The following NR3C2 variants were observed in gnomAD, a reference collection of about 807,000 sequenced individuals.
NR3C2 encodes mineralocorticoid receptor.
NR3C2 carries 15 observed loss-of-function variants against 86.4 expected under a neutral mutation model. The observed-to-expected ratio is 0.17, with a 90% confidence interval of 0.12 to 0.27. The LOEUF (loss-of-function observed/expected upper bound fraction) is 0.27. NR3C2 is among the 10% of genes least tolerant of loss of function. The probability of loss-of-function intolerance (pLI) is 1.00; values close to 1 mark genes in which losing one functional copy is unlikely to be tolerated. For synonymous variants in NR3C2, 458 were observed against 450.5 expected (o/e 1.02, Z -0.21); for missense variants, 960 against 1,195.6 (o/e 0.80, Z 2.91).
intron 2 of NR3C2, among the ~76,000 whole-genome samples, chr4:148,281,972 T>G (rs1038033486): frequency 1.3e-5 from 2 of 152,232 alleles, no homozygotes; most frequent in Non-Finnish European, 2.9e-5. Flanking sequence ...CTTGAAGCAT[T>G]GGTAAGATTT....
intron 2 of NR3C2, among the ~76,000 whole-genome samples, chr4:148,316,357 G>A (rs537229058): frequency 1.4e-4 from 22 of 151,892 alleles, no homozygotes; most frequent in African/African-American, 3.6e-4. Flanking sequence ...ATATTTATGC[G>A]GAACATGTAT....
intron 2 of NR3C2, among the ~76,000 whole-genome samples, chr4:148,422,810 T>A (rs1439539576): frequency 6.6e-6 from 1 of 152,170 alleles, no homozygotes; most frequent in Non-Finnish European, 1.5e-5. Flanking sequence ...TAAAAGGTAC[T>A]CCATTTTGGT....
At chr4:148,256,374 T>A (rs1367163542) in intron 3 of NR3C2, among the ~76,000 whole-genome samples, 3 of 152,216 alleles carry the variant, frequency 2.0e-5, no homozygotes, top group East Asian at 3.8e-4. Context: ...ACATCATCTC[T>A]CTACGTGAAC....
chr4:148,229,021 G>T (rs921878490), intron 3 of NR3C2, among the ~76,000 whole-genome samples: 14 of 152,158 alleles, frequency 9.2e-5, no homozygotes, highest in Non-Finnish European at 1.8e-4. Context: ...AAAGATTCTT[G>T]CCCAGGTCCC....
chr4:148,194,641 C>G, intron 4 of NR3C2, 105 bp downstream of exon 4: 1 of 753,042 alleles, frequency 1.3e-6, no homozygotes, highest in Non-Finnish European at 2.3e-6. Context: ...TTTCAGAAAC[C>G]TTTGCTCCCT....
At chr4:148,329,049 A>G (rs1287392418) in intron 2 of NR3C2, among the ~76,000 whole-genome samples, 1 of 152,222 alleles carries the variant, frequency 6.6e-6, no homozygotes, top group Non-Finnish European at 1.5e-5. Context: ...GAGGAAGGTC[A>G]ATCATAGGTC....
intron 2 of NR3C2, among the ~76,000 whole-genome samples, chr4:148,310,031 C>A (rs1427500240): frequency 6.6e-6 from 1 of 152,086 alleles, no homozygotes; most frequent in Non-Finnish European, 1.5e-5. Flanking sequence ...AAAAAACTAT[C>A]CTACTTACTA....
chr4:148,412,454 T>C (rs1748753734), intron 2 of NR3C2, among the ~76,000 whole-genome samples: 1 of 152,188 alleles, frequency 6.6e-6, no homozygotes, highest in Non-Finnish European at 1.5e-5. Context: ...GATTTTTGGC[T>C]AAGTATTCAC....
intron 3 of NR3C2, among the ~76,000 whole-genome samples, chr4:148,231,936 T>C (rs1016443273): frequency 6.6e-6 from 1 of 152,202 alleles, no homozygotes; most frequent in African/African-American, 2.4e-5. Flanking sequence ...ATTAATTCAA[T>C]TTTTATCCTG....
At chr4:148,370,780 C>T (rs12331046) in intron 2 of NR3C2, among the ~76,000 whole-genome samples, 149,783 of 152,320 alleles carry the variant, frequency 0.98, 73,686 homozygotes, top group East Asian at 1. Context: ...AAATTACAAA[C>T]GTAACGTTCC....
intron 6 of NR3C2, among the ~76,000 whole-genome samples, chr4:148,142,136 G>A (rs974627634): frequency 6.6e-6 from 1 of 152,180 alleles, no homozygotes; most frequent in Non-Finnish European, 1.5e-5. Context: ...AGAAGCAGCA[G>A]GAAATAATGC....
At chr4:148,277,775 C>A (rs1434310982) in intron 2 of NR3C2, among the ~76,000 whole-genome samples, 1 of 152,126 alleles carries the variant, frequency 6.6e-6, no homozygotes, top group Non-Finnish European at 1.5e-5. Context: ...TGACCCCACC[C>A]CACACCAGCA....
At chr4:148,403,452 G>T (rs967232528) in intron 2 of NR3C2, among the ~76,000 whole-genome samples, 1 of 151,980 alleles carries the variant, frequency 6.6e-6, no homozygotes, top group African/African-American at 2.4e-5. Context: ...CAAGCCCATA[G>T]AAAAATACAA....
chr4:148,297,516 T>A (rs953258434), intron 2 of NR3C2, among the ~76,000 whole-genome samples: 1 of 152,164 alleles, frequency 6.6e-6, no homozygotes, highest in Non-Finnish European at 1.5e-5. Flanking sequence ...TCCCAGCACT[T>A]TGGGAGGCCA....
intron 2 of NR3C2, among the ~76,000 whole-genome samples, chr4:148,422,315 G>GAA (rs11361774): frequency 2.1e-5 from 3 of 140,380 alleles, no homozygotes; most frequent in South Asian, 4.6e-4. Flanking sequence ...AGGAATTGAG[G>GAA]AAAAAAAAAA....
intron 2 of NR3C2, among the ~76,000 whole-genome samples, chr4:148,290,880 C>T (rs1390862283): frequency 1.3e-5 from 2 of 152,116 alleles, no homozygotes; most frequent in African/African-American, 2.4e-5. Context: ...AGAAGATGGT[C>T]GTCATCTCTG....
At chr4:148,207,834 C>T (rs1442571552) in intron 3 of NR3C2, among the ~76,000 whole-genome samples, 1 of 152,164 alleles carries the variant, frequency 6.6e-6, no homozygotes, top group Non-Finnish European at 1.5e-5. Flanking sequence ...CCTATACACA[C>T]ACACACCCAT....
At chr4:148,221,241 G>A in intron 3 of NR3C2, among the ~76,000 whole-genome samples, 1 of 152,200 alleles carries the variant, frequency 6.6e-6, no homozygotes, top group East Asian at 1.9e-4. Flanking sequence ...TTATTACTAT[G>A]TGAACCTATC....
intron 2 of NR3C2, among the ~76,000 whole-genome samples, chr4:148,427,375 T>C (rs1456279704): frequency 6.6e-6 from 1 of 152,060 alleles, no homozygotes; most frequent in African/African-American, 2.4e-5. Flanking sequence ...TCCTTAACAA[T>C]TTAGTCCTAA....
Sources: gnomAD v4.1 joint callset for allele counts (sites outside exome capture counted in the v4.1 genomes callset) on GRCh38, gnomAD v4.1.1 for gene constraint, MANE v1.5 for transcripts, NCBI Gene and HGNC (gene_info 2026-07-23, HGNC 2026-07-21) for gene names.